The following DOCK3 variants were observed in gnomAD, a reference collection of about 807,000 sequenced individuals.
DOCK3 encodes the protein dedicator of cytokinesis protein 3.
DOCK3 carries 60 observed loss-of-function variants against 265.6 expected under a neutral mutation model. That is an observed-to-expected ratio of 0.23 (90% CI 0.18 to 0.28). The LOEUF is 0.28. DOCK3 is among the 10% of genes least tolerant of loss of function. The probability of loss-of-function intolerance (pLI) is 1.00; values close to 1 mark genes in which losing one functional copy is unlikely to be tolerated. For missense variants in DOCK3, 1,981 were observed against 2,594.3 expected (o/e 0.76, Z 5.14); for synonymous variants, 881 against 938.0 (o/e 0.94, Z 1.11).
chr3:51,270,337 C>T (rs1173165568), intron 23 of DOCK3, among the ~76,000 whole-genome samples: 2 of 152,200 alleles, frequency 1.3e-5, no homozygotes, highest in African/African-American at 4.8e-5. Flanking sequence ...GTACAGCTCT[C>T]AGAACTGGAT....
intron 4 of DOCK3, among the ~76,000 whole-genome samples, chr3:50,913,339 A>G (rs1232230022): frequency 6.6e-6 from 1 of 151,796 alleles, no homozygotes; most frequent in African/African-American, 2.4e-5. Context: ...AGTATGCAAA[A>G]CAAAGTCTTC....
At chr3:51,188,172 TC>T (rs2087730367) in intron 12 of DOCK3, among the ~76,000 whole-genome samples, 1 of 152,240 alleles carries the variant, frequency 6.6e-6, no homozygotes, top group Admixed American at 6.5e-5. Context: ...TTTTAAAATT[TC>T]TTCATGAGAT....
At chr3:51,063,445 C>T (rs547189930) in intron 5 of DOCK3, among the ~76,000 whole-genome samples, 1 of 152,302 alleles carries the variant, frequency 6.6e-6, no homozygotes, top group South Asian at 2.1e-4. Flanking sequence ...CACCTCAAAA[C>T]ACTACCTGAT....
At chr3:51,042,710 A>G (rs56334843) in intron 5 of DOCK3, among the ~76,000 whole-genome samples, 8,707 of 152,272 alleles carry the variant, frequency 0.057, 883 homozygotes, top group African/African-American at 0.2. Context: ...TCTCAGCCCA[A>G]AAGTTCCTTA....
chr3:50,825,508 A>C (rs1438849105), intron 2 of DOCK3, among the ~76,000 whole-genome samples: 6 of 152,120 alleles, frequency 3.9e-5, no homozygotes, highest in African/African-American at 7.2e-5. Context: ...TCCTGGTAGA[A>C]GTTTTGAGGT....
At chr3:50,842,600 G>A (rs984363659) in intron 3 of DOCK3, among the ~76,000 whole-genome samples, 2 of 152,012 alleles carry the variant, frequency 1.3e-5, no homozygotes, top group African/African-American at 4.8e-5. Context: ...AATGTGAGAT[G>A]TTTAGCAGAG....
At chr3:51,276,524 A>T (rs973886457) in intron 25 of DOCK3, 4 of 694,814 alleles carry the variant, frequency 5.8e-6, no homozygotes, top group Non-Finnish European at 7.1e-6. Flanking sequence ...CTACCCAAAG[A>T]TACATCACTG....
intron 2 of DOCK3, among the ~76,000 whole-genome samples, chr3:50,817,123 T>G (rs529946290): frequency 1.2e-4 from 19 of 152,350 alleles, no homozygotes; most frequent in Admixed American, 3.3e-4. Flanking sequence ...CCTCCTCATT[T>G]TAGACCATAT....
chr3:50,729,192 G>A (rs915303394), intron 1 of DOCK3, among the ~76,000 whole-genome samples: 1 of 147,938 alleles, frequency 6.8e-6, no homozygotes, highest in Non-Finnish European at 1.5e-5. Flanking sequence ...GTGGTGATGT[G>A]GTGTGCCTGT....
chr3:51,363,387 G>A (rs2086879350), intron 49 of DOCK3, among the ~76,000 whole-genome samples: 1 of 152,216 alleles, frequency 6.6e-6, no homozygotes, highest in South Asian at 2.1e-4. Flanking sequence ...AGTGGTCTGA[G>A]CTTGCCAGCC....
chr3:50,972,950 CATTGGT>C (rs1318735641), intron 5 of DOCK3, among the ~76,000 whole-genome samples: 2 of 143,834 alleles, frequency 1.4e-5, no homozygotes, highest in African/African-American at 5.2e-5. Context: ...TGAATAATGT[CATTGGT>C]ATTTTGATAG....
intron 5 of DOCK3, among the ~76,000 whole-genome samples, chr3:50,978,978 G>A (rs955573638): frequency 6.6e-6 from 1 of 152,204 alleles, no homozygotes; most frequent in East Asian, 1.9e-4. Context: ...CTTCCCGAGT[G>A]AGGCAATGCC....
chr3:51,228,973 G>C, intron 18 of DOCK3, 141 bp downstream of exon 18: 1 of 1,120,548 alleles, frequency 8.9e-7, no homozygotes, highest in Non-Finnish European at 1.2e-6. Context: ...AAGTTGAAGC[G>C]ATCACTCAGC....
chr3:51,345,250 T>C (rs1414685797), intron 38 of DOCK3, among the ~76,000 whole-genome samples: 2 of 152,038 alleles, frequency 1.3e-5, no homozygotes, highest in South Asian at 2.1e-4. Context: ...ATAATGGGGG[T>C]ACAAGAGGCT....
At chr3:51,052,718 A>T (rs1041336164) in intron 5 of DOCK3, among the ~76,000 whole-genome samples, 4 of 152,152 alleles carry the variant, frequency 2.6e-5, no homozygotes, top group African/African-American at 9.7e-5. Flanking sequence ...CAGGGTAGCA[A>T]CTATCATTTC....
intron 49 of DOCK3, among the ~76,000 whole-genome samples, chr3:51,367,190 A>G (rs2087257597): frequency 6.6e-6 from 1 of 152,214 alleles, no homozygotes; most frequent in Admixed American, 6.5e-5. Flanking sequence ...GGATGCATAT[A>G]TATTTAGGAT....
At chr3:51,215,906 C>T (rs2089758206) in intron 14 of DOCK3, among the ~76,000 whole-genome samples, 1 of 151,662 alleles carries the variant, frequency 6.6e-6, no homozygotes, top group African/African-American at 2.4e-5. Flanking sequence ...ACCATCCTGT[C>T]ATGACACCTT....
chr3:51,086,439 G>T (rs2082431902), intron 7 of DOCK3, among the ~76,000 whole-genome samples: 1 of 152,178 alleles, frequency 6.6e-6, no homozygotes. Context: ...AGATTTTAGG[G>T]TGTTCCCAGC....
intron 12 of DOCK3, among the ~76,000 whole-genome samples, chr3:51,173,614 A>AT (rs968144265): frequency 2.0e-5 from 3 of 151,992 alleles, no homozygotes; most frequent in Non-Finnish European, 2.9e-5. Flanking sequence ...TATTCTTGGG[A>AT]TTTTTTTTAA....
Sources: allele counts gnomAD v4.1 joint callset (sites outside exome capture counted in the v4.1 genomes callset), GRCh38; gene constraint gnomAD v4.1.1; transcripts MANE v1.5; gene names NCBI Gene and HGNC (gene_info 2026-07-23, HGNC 2026-07-21).